ADAD1: variants seen among roughly 807,000 people sequenced by gnomAD.
ADAD1 encodes adenosine deaminase domain containing 1.
ADAD1 carries 46 observed loss-of-function variants against 66.8 expected under a neutral mutation model. That is an observed-to-expected ratio of 0.69 (90% CI 0.54 to 0.88). ADAD1 has a LOEUF of 0.88. Among genes scored for constraint, ADAD1 ranks in the 40% least tolerant of loss-of-function variants. ADAD1 has a pLI of 0.00. For missense variants in ADAD1, 617 were observed against 681.8 expected, an observed-to-expected ratio of 0.91 and a Z score of 1.06; for synonymous variants, 248 against 229.4, an observed-to-expected ratio of 1.08 and a Z score of -0.73.
intron 2 of ADAD1, 132 bp from the exon 3 acceptor site, chr4:122,379,930 A>C: frequency 1.2e-6 from 1 of 855,468 alleles, no homozygotes; most frequent in Non-Finnish European, 1.8e-6. Flanking sequence ...TTCAAGAGGG[A>C]TTTGACTCTA....
At chr4:122,380,360 C>A in intron 3 of ADAD1, 119 bp downstream of exon 3, 4 of 1,217,056 alleles carry the variant, frequency 3.3e-6, no homozygotes, top group South Asian at 1.6e-5. Context: ...TACCCGTGGC[C>A]GTGTACCTGG....
intron 3 of ADAD1, chr4:122,380,463 A>G: frequency 1.9e-6 from 1 of 521,344 alleles, no homozygotes; most frequent in Non-Finnish European, 3.3e-6. Flanking sequence ...GACTGTTCAA[A>G]CCCCCCCCTT....
intron 1 of ADAD1, 84 bp downstream of exon 1, chr4:122,379,199 T>C (rs1448350608): frequency 6.6e-6 from 1 of 152,258 alleles, no homozygotes; most frequent in Non-Finnish European, 1.5e-5. Context: ...ATCCCTACAG[T>C]GCTCTGTCAG....
chr4:122,417,266 G>C (rs1796780244), intron 11 of ADAD1, among the ~76,000 whole-genome samples: 1 of 151,454 alleles, frequency 6.6e-6, no homozygotes, highest in South Asian at 2.1e-4. Flanking sequence ...GAAACCAGGA[G>C]GTGGAGGTTG....
intron 11 of ADAD1, among the ~76,000 whole-genome samples, chr4:122,419,880 G>GT (rs1560605237): frequency 6.6e-6 from 1 of 152,082 alleles, no homozygotes; most frequent in Non-Finnish European, 1.5e-5. Context: ...TAGCTAGGTA[G>GT]TTTTTTTACA....
intron 11 of ADAD1, among the ~76,000 whole-genome samples, chr4:122,419,093 G>T (rs1796888451): frequency 6.6e-6 from 1 of 152,158 alleles, no homozygotes; most frequent in Admixed American, 6.5e-5. Flanking sequence ...GCTCATTGCA[G>T]CACTATTCAC....
At chr4:122,412,943 G>C in intron 10 of ADAD1, 134 bp downstream of exon 10, 1 of 679,630 alleles carries the variant, frequency 1.5e-6, no homozygotes, top group African/African-American at 1.8e-5. Context: ...CAGATCTGCT[G>C]TTTTGTAGAG....
chr4:122,423,914 T>C (rs148264418), intron 12 of ADAD1, among the ~76,000 whole-genome samples: 45 of 152,322 alleles, frequency 3.0e-4, no homozygotes, highest in African/African-American at 1.0e-3. Flanking sequence ...GGATAAGATC[T>C]AAAATTAATG....
intron 11 of ADAD1, 65 bp from the exon 12 acceptor site, chr4:122,421,196 C>G (rs1025712027): frequency 9.5e-6 from 12 of 1,268,744 alleles, no homozygotes; most frequent in African/African-American, 1.5e-5. Flanking sequence ...TGATTTTAAT[C>G]TATACAATTG....
intron 11 of ADAD1, among the ~76,000 whole-genome samples, chr4:122,416,576 A>G (rs1477183357): frequency 6.6e-6 from 1 of 152,102 alleles, no homozygotes; most frequent in Non-Finnish European, 1.5e-5. Flanking sequence ...TATAAAAAAT[A>G]AAAAGTATTA....
chr4:122,392,993 A>G (rs1021763156), intron 5 of ADAD1, among the ~76,000 whole-genome samples: 5 of 148,424 alleles, frequency 3.4e-5, no homozygotes, highest in Admixed American at 2.0e-4. Flanking sequence ...GACTACTTTA[A>G]TTGGTACCTT....
chr4:122,408,357 C>T (rs1237505364), intron 8 of ADAD1, among the ~76,000 whole-genome samples: 1 of 152,220 alleles, frequency 6.6e-6, no homozygotes, highest in Non-Finnish European at 1.5e-5. Flanking sequence ...CTTACTGCAA[C>T]CTCTGGCTTC....
chr4:122,415,492 A>G lies in ADAD1; in HGVS notation c.1363A>G (p.Ser455Gly), dbSNP rs772070988. The G allele has an allele frequency of 8.7e-6, 14 of 1,613,862 alleles. No individual in the cohort carries two copies. The highest frequency in any genetic ancestry group is 1.3e-5 in the African/African-American group (1 of 74,930). Residue 455 changes from serine to glycine, a missense_variant, in exon 11 of 13, where the codon AGT becomes GGT. Transcript: ENST00000296513. ...TTACTTAGTCAACAGACCTCATATT[A>G]GTTTAGTACCCTCTGCATATCCCCT... The part of the protein sequence containing the change: ...MFYLVNRPHI[S>G]LVPSAYPLQM...
At chr4:122,419,617 A>G (rs1796914783) in intron 11 of ADAD1, among the ~76,000 whole-genome samples, 1 of 152,216 alleles carries the variant, frequency 6.6e-6, no homozygotes, top group African/African-American at 2.4e-5. Flanking sequence ...TTGCTGTATA[A>G]AAGATCAGGG....
intron 11 of ADAD1, among the ~76,000 whole-genome samples, chr4:122,416,772 A>G (rs1796757362): frequency 1.3e-5 from 2 of 151,874 alleles, no homozygotes; most frequent in South Asian, 4.2e-4. Flanking sequence ...ACAAACCCAT[A>G]AACATTTCTT....
At chr4:122,393,826 GAAAGAA>G (rs1201719295) in intron 6 of ADAD1, among the ~76,000 whole-genome samples, 169 bp downstream of exon 6, 1 of 151,998 alleles carries the variant, frequency 6.6e-6, no homozygotes, top group Non-Finnish European at 1.5e-5. Context: ...TGCTAAAAAT[GAAAGAA>G]ACAAGGAATG....
chr4:122,407,249 A>G (rs76900542), intron 7 of ADAD1, among the ~76,000 whole-genome samples: 75 of 46,826 alleles, frequency 1.6e-3, no homozygotes, highest in African/African-American at 8.1e-3. Flanking sequence ...GAATATGGGG[A>G]AAAAAAAGAG....
chr4:122,403,597 G>C (rs560017905), intron 7 of ADAD1, among the ~76,000 whole-genome samples: 1 of 152,126 alleles, frequency 6.6e-6, no homozygotes, highest in South Asian at 2.1e-4. Context: ...ACGAGTTGCT[G>C]TAATGGCTTG....
intron 11 of ADAD1, among the ~76,000 whole-genome samples, chr4:122,417,633 T>C (rs550386694): frequency 6.6e-6 from 1 of 152,266 alleles, no homozygotes; most frequent in South Asian, 2.1e-4. Flanking sequence ...AACAAAGATA[T>C]AGCCGTTTTA....
Sources: allele counts gnomAD v4.1 joint callset (sites outside exome capture counted in the v4.1 genomes callset), GRCh38; gene constraint gnomAD v4.1.1; transcripts MANE v1.5; gene names NCBI Gene and HGNC (gene_info 2026-07-23, HGNC 2026-07-21).